Variants in GRAP2 observed in about 807,000 individuals in gnomAD.
The protein encoded by GRAP2 is GRB2-related adapter protein 2.
A neutral mutation model predicts 43.5 loss-of-function variants in GRAP2; 31 were observed. That is an observed-to-expected ratio of 0.71 (90% CI 0.54 to 0.96). The LOEUF is 0.96. Among genes scored for constraint, GRAP2 ranks in the 40% least tolerant of loss-of-function variants. The pLI is 0.00. For missense variants in GRAP2, 371 were observed against 424.4 expected (o/e 0.87, Z 1.11); for synonymous variants, 156 against 164.8 (o/e 0.95, Z 0.41).
intron 4 of GRAP2, 40 bp from the exon 5 acceptor site, chr22:39,965,950 C>T (rs1389607769): frequency 1.3e-6 from 2 of 1,555,478 alleles, no homozygotes; most frequent in Admixed American, 1.7e-5. Flanking sequence ...GTGACATTAT[C>T]ACCGTGTAAC....
chr22:39,940,322 A>G (rs1375815348), intron 1 of GRAP2, among the ~76,000 whole-genome samples: 1 of 151,864 alleles, frequency 6.6e-6, no homozygotes, highest in African/African-American at 2.4e-5. Context: ...TGAGAGCCCA[A>G]AATGGGGAAA....
intron 1 of GRAP2, among the ~76,000 whole-genome samples, chr22:39,917,462 A>G (rs929616987): frequency 1.3e-5 from 2 of 152,186 alleles, no homozygotes; most frequent in African/African-American, 4.8e-5. Context: ...AAAAAGGCAA[A>G]TATAGAATTA....
intron 1 of GRAP2, among the ~76,000 whole-genome samples, chr22:39,936,190 C>A (rs1464428343): frequency 6.6e-6 from 1 of 152,090 alleles, no homozygotes; most frequent in Non-Finnish European, 1.5e-5. Context: ...TCCCATCTAC[C>A]CCTGCCACCC....
intron 1 of GRAP2, among the ~76,000 whole-genome samples, chr22:39,910,741 T>TAA (rs558928417): frequency 1.7e-3 from 243 of 141,508 alleles, no homozygotes; most frequent in African/African-American, 5.1e-3. Context: ...ACTGTTGATT[T>TAA]AAAAAAAAAA....
chr22:39,924,234 T>C (rs2066678330), intron 1 of GRAP2, among the ~76,000 whole-genome samples: 1 of 152,176 alleles, frequency 6.6e-6, no homozygotes, highest in Admixed American at 6.5e-5. Flanking sequence ...TGTTTATAAA[T>C]CGCGGGAGAA....
chr22:39,923,497 T>C (rs920805191), intron 1 of GRAP2, among the ~76,000 whole-genome samples: 2 of 152,202 alleles, frequency 1.3e-5, no homozygotes, highest in Non-Finnish European at 2.9e-5. Context: ...ATATCTACGG[T>C]TCAAGATTAT....
chr22:39,967,943 C>G, intron 5 of GRAP2, 99 bp from the exon 6 acceptor site: 3 of 1,446,164 alleles, frequency 2.1e-6, no homozygotes, highest in East Asian at 4.8e-5. Flanking sequence ...TTTCTTGGAG[C>G]CAGATGAGCA....
chr22:39,927,264 C>T (rs1476857208), intron 1 of GRAP2, among the ~76,000 whole-genome samples: 1 of 152,252 alleles, frequency 6.6e-6, no homozygotes, highest in Admixed American at 6.5e-5. Context: ...CCTCTCGGCC[C>T]GCCGGCATGT....
chr22:39,920,207 C>T (rs2066636955), intron 1 of GRAP2, among the ~76,000 whole-genome samples: 1 of 152,206 alleles, frequency 6.6e-6, no homozygotes, highest in Non-Finnish European at 1.5e-5. Context: ...TCTGCCTCCG[C>T]TCCTTTGGTA....
chr22:39,898,963 T>A (rs556067941), upstream of GRAP2, among the ~76,000 whole-genome samples: 4 of 152,348 alleles, frequency 2.6e-5, no homozygotes, highest in African/African-American at 9.6e-5. Context: ...ATTTCACATG[T>A]TACTGTATCC....
At chr22:39,944,430 C>T (rs983262142) in intron 1 of GRAP2, among the ~76,000 whole-genome samples, 1 of 152,080 alleles carries the variant, frequency 6.6e-6, no homozygotes, top group Non-Finnish European at 1.5e-5. Context: ...AGAGAACATA[C>T]CCCACCCCAC....
In GRAP2 at chr22:39,949,784, G is replaced by A. The variant is rs115748331; in HGVS notation, c.78+2600G>A. On this transcript the variant is annotated intron_variant, in intron 2 of 7. Transcript: ENST00000344138. ...GTAGACGCCCAATAAATGGTGGCCC[G>A]CATTATCGGGATCATCCATCCCCGC... is the stretch of plus-strand genomic sequence containing the variant. Among the ~76,000 whole-genome samples the A allele has an allele frequency of 6.0e-3, 910 of 152,224 alleles. 12 individuals are homozygous for A. The highest frequency in any genetic ancestry group is 0.021 in the African/African-American group (856 of 41,506).
chr22:39,924,760 G>A (rs2066683082), intron 1 of GRAP2, among the ~76,000 whole-genome samples: 1 of 152,194 alleles, frequency 6.6e-6, no homozygotes, highest in Non-Finnish European at 1.5e-5. Context: ...TTTAATGTGA[G>A]CAGGACAATG....
chr22:39,936,681 A>G (rs921370154), intron 1 of GRAP2, among the ~76,000 whole-genome samples: 1 of 151,910 alleles, frequency 6.6e-6, no homozygotes, highest in Non-Finnish European at 1.5e-5. Context: ...AGACAGAAGG[A>G]GAGAGAGAGA....
intron 2 of GRAP2, among the ~76,000 whole-genome samples, chr22:39,948,761 G>A (rs1228255174): frequency 1.3e-5 from 2 of 152,080 alleles, no homozygotes; most frequent in Non-Finnish European, 2.9e-5. Context: ...AAATGTCTGT[G>A]GGATTGACAC....
At chr22:39,912,636 T>C (rs1190527294) in intron 1 of GRAP2, among the ~76,000 whole-genome samples, 1 of 152,132 alleles carries the variant, frequency 6.6e-6, no homozygotes, top group Non-Finnish European at 1.5e-5. Context: ...CAAATGTCAA[T>C]AGTGACAAGG....
chr22:39,922,201 A>G (rs1023039430), intron 1 of GRAP2, among the ~76,000 whole-genome samples: 1 of 152,166 alleles, frequency 6.6e-6, no homozygotes, highest in Non-Finnish European at 1.5e-5. Flanking sequence ...ACAAGCAAAC[A>G]AATCATTACA....
At chr22:39,955,973 G>A (rs1179911857) in intron 3 of GRAP2, 63 bp downstream of exon 3, 2 of 825,828 alleles carry the variant, frequency 2.4e-6, no homozygotes, top group African/African-American at 3.4e-5. Flanking sequence ...ATTTCCAGCA[G>A]TCACTACAGT....
intron 3 of GRAP2, among the ~76,000 whole-genome samples, chr22:39,957,340 C>T (rs532993253): frequency 8.9e-4 from 135 of 152,268 alleles, no homozygotes; most frequent in African/African-American, 3.1e-3. Context: ...TCAGCCCCTC[C>T]GTGCATCACT....
Sources: gnomAD v4.1 joint callset for allele counts (sites outside exome capture counted in the v4.1 genomes callset) on GRCh38, gnomAD v4.1.1 for gene constraint, MANE v1.5 for transcripts, NCBI Gene and HGNC (gene_info 2026-07-23, HGNC 2026-07-21) for gene names.